The following FBRSL1 variants were observed in gnomAD, a reference collection of about 807,000 sequenced individuals.
The protein encoded by FBRSL1 is fibrosin like 1.
In FBRSL1, 51 loss-of-function variants were observed where a neutral mutation model predicts 89.6. The observed-to-expected ratio is 0.57, with a 90% CI of 0.45 to 0.72. The LOEUF (loss-of-function observed/expected upper bound fraction) is 0.72, where lower values mean the gene tolerates loss of function less well. FBRSL1 is among the 30% of genes least tolerant of loss of function. FBRSL1 has a pLI of 0.00. For synonymous variants in FBRSL1, 779 were observed against 681.1 expected, an observed-to-expected ratio of 1.14 and a Z score of -2.24; for missense variants, 1,618 against 1,451.8, an observed-to-expected ratio of 1.11 and a Z score of -1.86.
chr12:132,498,232 A>G (rs2136383802), intron 1 of FBRSL1, among the ~76,000 whole-genome samples: 1 of 152,198 alleles, frequency 6.6e-6, no homozygotes, highest in Non-Finnish European at 1.5e-5. Context: ...CCTCGCTCAC[A>G]GTGAGGCCTG....
At chr12:132,568,177 G>T (rs556084036) in intron 6 of FBRSL1, among the ~76,000 whole-genome samples, 27 of 152,358 alleles carry the variant, frequency 1.8e-4, no homozygotes, top group African/African-American at 6.0e-4. Context: ...TGGGATCCTG[G>T]GATTCCCACA....
chr12:132,510,065 C>T (rs2034156800), intron 2 of FBRSL1: 3 of 1,231,238 alleles, frequency 2.4e-6, no homozygotes, highest in South Asian at 4.1e-5. Flanking sequence ...CACTCCTGGG[C>T]CCGGGACGGC....
intron 2 of FBRSL1, among the ~76,000 whole-genome samples, chr12:132,522,789 T>A (rs1350168156): frequency 6.6e-6 from 1 of 152,218 alleles, no homozygotes; most frequent in Non-Finnish European, 1.5e-5. Context: ...CTGCAGTGTG[T>A]GTGCTGGGCC....
intron 5 of FBRSL1, among the ~76,000 whole-genome samples, chr12:132,562,246 C>T (rs1316460027): frequency 6.6e-6 from 1 of 152,162 alleles, no homozygotes; most frequent in South Asian, 2.1e-4. Flanking sequence ...CATGCCCCAA[C>T]CTCCAGGCCC....
chr12:132,531,496 G>A (rs1488161621), intron 4 of FBRSL1, among the ~76,000 whole-genome samples: 2 of 152,130 alleles, frequency 1.3e-5, no homozygotes, highest in Admixed American at 6.5e-5. Context: ...GCATGGGGCT[G>A]TGCGTTGCCT....
chr12:132,529,274 G>A (rs1338811018), intron 4 of FBRSL1, among the ~76,000 whole-genome samples: 1 of 152,218 alleles, frequency 6.6e-6, no homozygotes, highest in African/African-American at 2.4e-5. Context: ...ACACAGCCTG[G>A]TGGGGACGGC....
At chr12:132,559,988 G>C (rs1190764386) in intron 5 of FBRSL1, 1 of 147,718 alleles carries the variant, frequency 6.8e-6, no homozygotes, top group African/African-American at 2.4e-5. Flanking sequence ...CCGCCGCCTC[G>C]GGGCCCGCGC....
chr12:132,547,971 C>T (rs2037840607), intron 4 of FBRSL1, 32 bp from the exon 5 acceptor site: 2 of 1,549,294 alleles, frequency 1.3e-6, no homozygotes, highest in Admixed American at 3.9e-5. Context: ...TTGGTGGGGC[C>T]CCGACTCACT....
At chr12:132,572,688 C>T in intron 11 of FBRSL1, 66 bp downstream of exon 11, 1 of 1,132,432 alleles carries the variant, frequency 8.8e-7, no homozygotes. Context: ...GAGTGCATGA[C>T]AACCTCGCCA....
chr12:132,583,357 G>C lies in FBRSL1; in HGVS notation c.2588G>C (p.Arg863Pro). 8.8e-7 allele frequency: 1 copy of C among 1,139,822 alleles called. No individual in the cohort carries two copies. The allele number at this position is 1,139,822 out of a possible 1,614,324, so 70.6% of individuals were successfully genotyped here. ...TTCCGCGGCCTGGAGCTGCCACGTCGCGCCTTCCCCGCTGCCGCCCCCGCC... is the reference window on the plus strand; with the variant it reads ...TTCCGCGGCCTGGAGCTGCCACGTCCCGCCTTCCCCGCTGCCGCCCCCGCC... ...EPFRGLELPRRAFPAAAPAPG... is the reference protein window; with the variant it reads ...EPFRGLELPRPAFPAAAPAPG... The change falls in exon 19 of 19, where the codon CGC becomes CCC. Residue 863 changes from arginine (R) to proline (P), a missense_variant. Coordinates refer to ENST00000680143, the MANE Select transcript of FBRSL1 (RefSeq NM_001367871.1).
At chr12:132,576,079 T>C (rs759145364) in intron 14 of FBRSL1, among the ~76,000 whole-genome samples, 1 of 152,244 alleles carries the variant, frequency 6.6e-6, no homozygotes. Flanking sequence ...GCACATGTTG[T>C]AGTTTCATAT....
At chr12:132,523,568 G>A (rs955958263) in intron 2 of FBRSL1, among the ~76,000 whole-genome samples, 8 of 152,110 alleles carry the variant, frequency 5.3e-5, no homozygotes, top group African/African-American at 1.9e-4. Context: ...GGGTGTTTCC[G>A]ACCCACCTCC....
At position 132,583,611 on chromosome 12, in the gene FBRSL1, C is replaced by CCCG. The variant is rs1208509639; in HGVS notation, c.2854_2856dup (p.Ala952dup). 317 of 991,866 alleles carry CCCG rather than the reference C, an allele frequency of 3.2e-4. No individual in the cohort carries two copies. Among genetic ancestry groups the CCCG allele is most frequent in the Admixed American group, 1.7e-3 (28 of 16,076 alleles). 61.4% of individuals were successfully genotyped at this position (991,866 alleles called of 1,614,324 possible). The stretch of plus-strand genomic sequence containing the variant: ...CAATGGGCTCCTGGCGCGGACCCCG[C>CCCG]CCGCCGCCGCCGCCCTCGGCGCACC... On this transcript the variant is annotated inframe_insertion, in exon 19 of 19. Transcript: ENST00000680143.
intron 2 of FBRSL1, among the ~76,000 whole-genome samples, chr12:132,515,777 G>A (rs2034784679): frequency 1.3e-5 from 2 of 151,694 alleles, no homozygotes; most frequent in South Asian, 2.1e-4. Flanking sequence ...GCGCACACCT[G>A]TAGTCCCAGC....
At chr12:132,532,480 T>G (rs2036371217) in intron 4 of FBRSL1, among the ~76,000 whole-genome samples, 1 of 152,078 alleles carries the variant, frequency 6.6e-6, no homozygotes, top group Admixed American at 6.5e-5. Flanking sequence ...TAGCACCCAC[T>G]TGGCCACAGC....
At chr12:132,511,351 G>A (rs2136645517) in intron 2 of FBRSL1, 1 of 985,668 alleles carries the variant, frequency 1.0e-6, no homozygotes, top group Non-Finnish European at 1.2e-6. Flanking sequence ...ACCTACATGT[G>A]GTCGGGCACA....
intron 1 of FBRSL1, among the ~76,000 whole-genome samples, chr12:132,497,382 C>G (rs1451872960): frequency 6.6e-6 from 1 of 152,046 alleles, no homozygotes; most frequent in East Asian, 1.9e-4. Context: ...AGGAGGACCA[C>G]AGAGCTGGCC....
chr12:132,511,393 C>G, intron 2 of FBRSL1: 2 of 986,006 alleles, frequency 2.0e-6, no homozygotes, highest in Non-Finnish European at 2.4e-6. Flanking sequence ...CTGGGCCCAT[C>G]CCTGCCCCTT....
At chr12:132,520,550 G>C (rs1363365719) in intron 2 of FBRSL1, among the ~76,000 whole-genome samples, 1 of 152,186 alleles carries the variant, frequency 6.6e-6, no homozygotes, top group African/African-American at 2.4e-5. Flanking sequence ...GGATGCAGTC[G>C]CTGGTGTCAC....
Sources: allele counts gnomAD v4.1 joint callset (sites outside exome capture counted in the v4.1 genomes callset), GRCh38; gene constraint gnomAD v4.1.1; transcripts MANE v1.5; gene names NCBI Gene and HGNC (gene_info 2026-07-23, HGNC 2026-07-21).